MYL12B: variants seen among roughly 807,000 people sequenced by gnomAD.
MYL12B encodes the protein myosin light chain 12B.
In MYL12B, 3 loss-of-function variants were observed where a neutral mutation model predicts 12.9. The ratio of observed to expected loss-of-function variants is 0.23; its 90% CI spans 0.11 to 0.60. MYL12B has a LOEUF of 0.60. Ranked by LOEUF, MYL12B falls within the 20% of genes least tolerant of loss-of-function variation. The pLI is 0.89. For synonymous variants in MYL12B, 57 were observed against 71.9 expected (o/e 0.79, Z 1.05); for missense variants, 120 against 215.4 (o/e 0.56, Z 2.77).
At chr18:3,265,430 G>A (rs1332655389) in intron 1 of MYL12B, among the ~76,000 whole-genome samples, 1 of 152,146 alleles carries the variant, frequency 6.6e-6, no homozygotes, top group African/African-American at 2.4e-5. Flanking sequence ...GTGAAGATGA[G>A]GTGGAGTAAA....
intron 2 of MYL12B, among the ~76,000 whole-genome samples, chr18:3,274,370 C>T (rs1272924463): frequency 6.6e-6 from 1 of 152,132 alleles, no homozygotes. Flanking sequence ...TTTGCAGAAA[C>T]CCATCCTTTT....
At chr18:3,273,560 T>G (rs1220173354) in intron 2 of MYL12B, among the ~76,000 whole-genome samples, 1 of 151,914 alleles carries the variant, frequency 6.6e-6, no homozygotes, top group Non-Finnish European at 1.5e-5. Flanking sequence ...AATGTAAAGA[T>G]ACAGGATTTA....
chr18:3,273,850 G>GTTT (rs112632898), intron 2 of MYL12B, among the ~76,000 whole-genome samples: 1,952 of 89,342 alleles, frequency 0.022, 18 homozygotes, highest in Non-Finnish European at 0.042. Context: ...AAGAGGTGGG[G>GTTT]GTTTTTTTTT....
chr18:3,267,783 T>C (rs553055152), intron 1 of MYL12B, among the ~76,000 whole-genome samples: 72 of 152,316 alleles, frequency 4.7e-4, no homozygotes, highest in Admixed American at 4.0e-3. Context: ...ACAGTGTATA[T>C]AGTCATTCAT....
At chr18:3,275,793 C>G (rs1488120568) in intron 2 of MYL12B, among the ~76,000 whole-genome samples, 13 of 152,026 alleles carry the variant, frequency 8.6e-5, no homozygotes, top group African/African-American at 3.1e-4. Flanking sequence ...AAAAATGCTG[C>G]AAGTGAGTTG....
At chr18:3,266,018 T>G (rs1008930889) in intron 1 of MYL12B, among the ~76,000 whole-genome samples, 6 of 152,206 alleles carry the variant, frequency 3.9e-5, no homozygotes, top group African/African-American at 1.4e-4. Context: ...ATTGCCCTAT[T>G]TTAACATTAA....
chr18:3,272,039 A>G, intron 1 of MYL12B: 1 of 984,898 alleles, frequency 1.0e-6, no homozygotes, highest in Non-Finnish European at 1.2e-6. Context: ...AAAATAAAAA[A>G]CAGAAGGAAA....
intron 1 of MYL12B, chr18:3,272,201 T>A (rs1406367127): frequency 4.1e-6 from 4 of 965,064 alleles, no homozygotes; most frequent in East Asian, 1.1e-4. Context: ...ACATATGTTA[T>A]CTCAATTAGT....
intron 2 of MYL12B, among the ~76,000 whole-genome samples, chr18:3,275,997 A>G (rs2081727693): frequency 6.6e-6 from 1 of 152,082 alleles, no homozygotes; most frequent in South Asian, 2.1e-4. Flanking sequence ...AAACTTACAT[A>G]TGAACTATAA....
chr18:3,267,579 GT>G (rs1277127846), intron 1 of MYL12B, among the ~76,000 whole-genome samples: 3 of 152,062 alleles, frequency 2.0e-5, no homozygotes, highest in Non-Finnish European at 2.9e-5. Flanking sequence ...TGCTTCCTCG[GT>G]TTCAGTTGCC....
At chr18:3,274,970 C>G (rs2081716592) in intron 2 of MYL12B, among the ~76,000 whole-genome samples, 1 of 152,080 alleles carries the variant, frequency 6.6e-6, no homozygotes, top group South Asian at 2.1e-4. Context: ...TAGGTATATA[C>G]CCCCAAAAAA....
At chr18:3,264,652 G>A (rs988903119) in intron 1 of MYL12B, among the ~76,000 whole-genome samples, 5 of 152,184 alleles carry the variant, frequency 3.3e-5, no homozygotes, top group Admixed American at 2.6e-4. Context: ...CAAGGCTACA[G>A]TGAACTATGA....
intron 1 of MYL12B, among the ~76,000 whole-genome samples, chr18:3,272,577 A>G (rs1433851251): frequency 6.6e-6 from 1 of 152,156 alleles, no homozygotes; most frequent in African/African-American, 2.4e-5. Flanking sequence ...TTGCCCAGGC[A>G]AGTCTCGAAC....
intron 2 of MYL12B, among the ~76,000 whole-genome samples, chr18:3,274,054 A>G (rs936499815): frequency 2.0e-5 from 3 of 152,240 alleles, no homozygotes; most frequent in African/African-American, 7.2e-5. Context: ...ATCTTTAGCT[A>G]TATTCACTGA....
chr18:3,273,959 G>T lies in MYL12B; in HGVS notation c.184+877G>T, dbSNP rs538061930. Among the ~76,000 whole-genome samples, 97 of 151,764 alleles carry T rather than the reference G, an allele frequency of 6.4e-4. No homozygotes were observed. The Middle Eastern group carries it at 0.01, about 16-fold the overall frequency. ...AACACATTGAAAGTAAAGTTTAGGTGTGTACTTATTCCTATCCAACATATG... is the reference window on the plus strand; with the variant it reads ...AACACATTGAAAGTAAAGTTTAGGTTTGTACTTATTCCTATCCAACATATG... On this transcript the variant is annotated intron_variant, in intron 2 of 3. Transcript: ENST00000237500.
chr18:3,269,240 T>C (rs9303925), intron 1 of MYL12B, among the ~76,000 whole-genome samples: 145,076 of 152,244 alleles, frequency 0.95, 69,201 homozygotes, highest in Non-Finnish European at 0.98. Flanking sequence ...AGTGGAATGA[T>C]GAGGTCATAT....
chr18:3,273,185 A>G lies in MYL12B; in HGVS notation c.184+103A>G, dbSNP rs1212859176. On this transcript the variant is annotated intron_variant, in intron 2 of 3. Transcript: ENST00000237500. ...TACAAATATTTCTCTCCTTGTCTCA[A>G]AAGGCCTCTGGAGAGATTTCTGGGT... 3.8e-6 allele frequency: 5 copies of G among 1,304,156 alleles called. No homozygotes were observed. In the African/African-American group the frequency reaches 6.0e-5, roughly 16 times the overall value. 80.8% of individuals were successfully genotyped at this position (1,304,156 alleles called of 1,614,324 possible).
rs755169377 is a variant in MYL12B at position 3,272,885 on chromosome 18, A to G, written c.-14A>G. ...TTTTGTGTTTTTTTTTTAATCCAGA[A>G]TTAAACAACCACCATGTCGAGCAAA... On this transcript the variant is annotated splice_region_variant and 5_prime_UTR_variant, in exon 2 of 4. Coordinates refer to ENST00000237500, the MANE Select transcript of MYL12B (RefSeq NM_033546.4). 5 of 1,569,694 alleles carry G rather than the reference A, an allele frequency of 3.2e-6. No individual in the cohort carries two copies. In the Admixed American group the frequency reaches 8.2e-5, roughly 26 times the overall value.
chr18:3,276,523 CAT>C (rs955436374), intron 2 of MYL12B: 7 of 984,958 alleles, frequency 7.1e-6, no homozygotes, highest in Non-Finnish European at 8.4e-6. Flanking sequence ...AGTTCAATGA[CAT>C]GTGTAAACAG....
Sources: allele counts gnomAD v4.1 joint callset (sites outside exome capture counted in the v4.1 genomes callset), GRCh38; gene constraint gnomAD v4.1.1; transcripts MANE v1.5; gene names NCBI Gene and HGNC (gene_info 2026-07-23, HGNC 2026-07-21).